PEBP4: variants seen among roughly 807,000 people sequenced by gnomAD.
The protein encoded by PEBP4 is phosphatidylethanolamine binding protein 4, also known as phosphatidylethanolamine-binding protein 4.
PEBP4 carries 22 observed loss-of-function variants against 23.9 expected under a neutral mutation model. The observed-to-expected ratio is 0.92, with a 90% CI of 0.66 to 1.31. PEBP4 has a LOEUF of 1.31. Ranked by LOEUF, PEBP4 falls within the 40% of genes most tolerant of loss-of-function variation. PEBP4 has a pLI of 0.00. For missense variants in PEBP4, 324 were observed against 281.7 expected (o/e 1.15, Z -1.07); for synonymous variants, 112 against 99.3 (o/e 1.13, Z -0.76).
At chr8:22,769,933 A>G (rs1440011940) in intron 4 of PEBP4, among the ~76,000 whole-genome samples, 1 of 152,088 alleles carries the variant, frequency 6.6e-6, no homozygotes, top group Non-Finnish European at 1.5e-5. Context: ...AGGAACCTGC[A>G]TCTCCTCTTT....
At chr8:22,801,281 G>A (rs1213527006) in intron 4 of PEBP4, among the ~76,000 whole-genome samples, 1 of 152,146 alleles carries the variant, frequency 6.6e-6, no homozygotes, top group Non-Finnish European at 1.5e-5. Flanking sequence ...TCAGCCCTAT[G>A]GGGTGCATGG....
chr8:22,892,182 C>T (rs1347969803), intron 3 of PEBP4, among the ~76,000 whole-genome samples: 1 of 152,062 alleles, frequency 6.6e-6, no homozygotes, highest in African/African-American at 2.4e-5. Context: ...CTATTTAATG[C>T]TAAAATATCT....
intron 4 of PEBP4, among the ~76,000 whole-genome samples, chr8:22,749,334 C>T (rs550094643): frequency 1.3e-5 from 2 of 152,178 alleles, no homozygotes; most frequent in East Asian, 1.9e-4. Context: ...CTCTCTGCAG[C>T]TCTTCTTGTT....
intron 3 of PEBP4, among the ~76,000 whole-genome samples, chr8:22,826,128 AG>A (rs1806963587): frequency 6.6e-6 from 1 of 152,260 alleles, no homozygotes; most frequent in Non-Finnish European, 1.5e-5. Context: ...CCGTGTCCAT[AG>A]TTAACAATAT....
intron 4 of PEBP4, among the ~76,000 whole-genome samples, chr8:22,811,565 G>T (rs1220394863): frequency 5.3e-5 from 8 of 152,164 alleles, no homozygotes; most frequent in Non-Finnish European, 1.0e-4. Context: ...GAGAGGAAGG[G>T]GCTGCAGCCC....
intron 4 of PEBP4, among the ~76,000 whole-genome samples, chr8:22,756,245 A>G (rs980930341): frequency 2.0e-5 from 3 of 152,172 alleles, no homozygotes; most frequent in South Asian, 2.1e-4. Flanking sequence ...CTGGCCTCGC[A>G]GGGCTGGAGC....
intron 1 of PEBP4, among the ~76,000 whole-genome samples, chr8:22,935,283 A>G (rs6557603): frequency 0.84 from 128,417 of 152,152 alleles, 54,558 homozygotes; most frequent in African/African-American, 0.94. Flanking sequence ...CACTTTGGGA[A>G]GCCGAGGTGG....
intron 4 of PEBP4, among the ~76,000 whole-genome samples, chr8:22,776,983 A>G (rs1805827123): frequency 6.6e-6 from 1 of 151,762 alleles, no homozygotes. Context: ...GGGTGGGGAC[A>G]TGGGAAGGGC....
At chr8:22,754,964 C>T (rs1455747334) in intron 4 of PEBP4, 2 of 152,252 alleles carry the variant, frequency 1.3e-5, no homozygotes, top group Non-Finnish European at 2.9e-5. Flanking sequence ...ATCTGGTAGG[C>T]TAATGAGGAG....
In PEBP4 at chr8:22,859,805, T is replaced by A. The variant is rs892443449; in HGVS notation, c.259-42070A>T. Among the ~76,000 whole-genome samples the A allele has an allele frequency of 1.3e-4, 20 of 152,124 alleles. 1 individual carries two copies. Among genetic ancestry groups the A allele is most frequent in the Non-Finnish European group, 1.5e-5 (1 of 68,018 alleles). On this transcript the variant is annotated intron_variant, in intron 3 of 6. Coordinates refer to ENST00000256404, the MANE Select transcript of PEBP4 (RefSeq NM_144962.3). ...TCCTTGCATACAACCTACACTCTTA[T>A]GCCTCTCTATCTTGCCTTACATCTT...
intron 6 of PEBP4, among the ~76,000 whole-genome samples, chr8:22,721,332 C>T (rs555748587): frequency 3.3e-5 from 5 of 152,182 alleles, no homozygotes; most frequent in African/African-American, 1.2e-4. Context: ...CAAGGTCAAA[C>T]GATCAGAGTC....
At chr8:22,731,893 T>G (rs1308308254) in intron 4 of PEBP4, among the ~76,000 whole-genome samples, 4 of 151,730 alleles carry the variant, frequency 2.6e-5, no homozygotes, top group African/African-American at 9.7e-5. Flanking sequence ...GCCAGGATGG[T>G]CTTGATCTCC....
At chr8:22,915,631 A>G (rs1483241353) in intron 3 of PEBP4, among the ~76,000 whole-genome samples, 2 of 152,302 alleles carry the variant, frequency 1.3e-5, no homozygotes, top group East Asian at 1.9e-4. Context: ...CCCATCCCCA[A>G]CACCAAATAG....
chr8:22,900,147 C>T (rs1433777548), intron 3 of PEBP4, among the ~76,000 whole-genome samples: 1 of 152,208 alleles, frequency 6.6e-6, no homozygotes, highest in Non-Finnish European at 1.5e-5. Context: ...TGGCTGGAAA[C>T]ATGTGACAGG....
intron 4 of PEBP4, among the ~76,000 whole-genome samples, chr8:22,805,311 T>TTA (rs1806472390): frequency 6.6e-6 from 1 of 152,176 alleles, no homozygotes; most frequent in Non-Finnish European, 1.5e-5. Context: ...TCACGGATTG[T>TTA]TAGCAATCGC....
chr8:22,937,559 T>TC (rs919241648), intron 1 of PEBP4, among the ~76,000 whole-genome samples: 10 of 151,738 alleles, frequency 6.6e-5, no homozygotes. Context: ...GTCAATTTTT[T>TC]TTTACAGAAA....
intron 4 of PEBP4, among the ~76,000 whole-genome samples, chr8:22,769,565 C>A (rs1006427959): frequency 3.9e-5 from 6 of 152,160 alleles, no homozygotes; most frequent in Admixed American, 3.9e-4. Flanking sequence ...CCATGTCTTG[C>A]CTGCAGCCTA....
chr8:22,779,289 G>A (rs916629948), intron 4 of PEBP4, among the ~76,000 whole-genome samples: 23 of 152,144 alleles, frequency 1.5e-4, no homozygotes, highest in African/African-American at 5.6e-4. Flanking sequence ...CCAGGCACGG[G>A]TGCTCCCCAC....
intron 3 of PEBP4, among the ~76,000 whole-genome samples, chr8:22,834,487 G>A (rs150100608): frequency 6.6e-6 from 1 of 152,344 alleles, no homozygotes; most frequent in East Asian, 1.9e-4. Flanking sequence ...CCCAGGAGCT[G>A]GGGTTCACAG....
Sources: allele counts gnomAD v4.1 joint callset (sites outside exome capture counted in the v4.1 genomes callset), GRCh38; gene constraint gnomAD v4.1.1; transcripts MANE v1.5; gene names NCBI Gene and HGNC (gene_info 2026-07-23, HGNC 2026-07-21).